Variants in LTBP2 observed in about 807,000 individuals in gnomAD.
LTBP2 encodes latent transforming growth factor beta binding protein 2, also known as latent-transforming growth factor beta-binding protein 2.
A neutral mutation model predicts 210.6 loss-of-function variants in LTBP2; 103 were observed. That is an observed-to-expected ratio of 0.49 (90% CI 0.42 to 0.58). The LOEUF (loss-of-function observed/expected upper bound fraction) is 0.58. Among genes scored for constraint, LTBP2 ranks in the 20% least tolerant of loss-of-function variants. The pLI, the probability that LTBP2 is intolerant of heterozygous loss-of-function variation, is 0.00. For synonymous variants in LTBP2, 1,007 were observed against 1,015.0 expected (o/e 0.99, Z 0.15); for missense variants, 2,313 against 2,494.5 (o/e 0.93, Z 1.55).
At chr14:74,503,166 C>T in intron 33 of LTBP2, 53 bp downstream of exon 33, 2 of 1,605,186 alleles carry the variant, frequency 1.2e-6, no homozygotes, top group African/African-American at 1.3e-5. Flanking sequence ...AGGGCATCCC[C>T]CTCCCTGGGG....
chr14:74,528,495 T>C lies in LTBP2; in HGVS notation c.2356A>G (p.Ile786Val), dbSNP rs756320630. 2.5e-6 allele frequency: 4 copies of C among 1,611,858 alleles called. No individual in the cohort carries two copies. Among genetic ancestry groups the C allele is most frequent in the Non-Finnish European group, 3.4e-6 (4 of 1,180,040 alleles). The change falls in exon 12 of 36, where the codon ATC becomes GTC. Residue 786 changes from isoleucine to valine, a missense_variant. Coordinates refer to ENST00000261978, the MANE Select transcript of LTBP2 (RefSeq NM_000428.3). ...VTDTWLEAGT[I>V]PDKGDSQAGQ... ...CCAGCTCAGATACCCTTGTCAGGGA[T>C]GGTCCCGGCCTCAAGCCAGGTGTCC... is the stretch of plus-strand genomic sequence containing the variant.
At chr14:74,523,863 T>C (rs2087238414) in intron 15 of LTBP2, among the ~76,000 whole-genome samples, 1 of 152,118 alleles carries the variant, frequency 6.6e-6, no homozygotes, top group Non-Finnish European at 1.5e-5. Context: ...GGGAATGGTC[T>C]GTACGTGGGT....
At chr14:74,601,919 G>C (rs984059848) in intron 2 of LTBP2, among the ~76,000 whole-genome samples, 11 of 152,160 alleles carry the variant, frequency 7.2e-5, no homozygotes, top group Admixed American at 4.6e-4. Flanking sequence ...TGAGACTGAG[G>C]CTTTGCAGCC....
chr14:74,571,025 T>C (rs1459237010), intron 3 of LTBP2, among the ~76,000 whole-genome samples: 2 of 151,204 alleles, frequency 1.3e-5, no homozygotes, highest in Admixed American at 6.6e-5. Context: ...TAAACCACTT[T>C]TCTTTATATT....
At chr14:74,610,025 A>G (rs1298537695) in intron 1 of LTBP2, among the ~76,000 whole-genome samples, 1 of 152,220 alleles carries the variant, frequency 6.6e-6, no homozygotes, top group East Asian at 1.9e-4. Flanking sequence ...GCCTGCTTGA[A>G]GCTGGGCCTT....
At chr14:74,527,661 C>T (rs1375544792) in intron 12 of LTBP2, among the ~76,000 whole-genome samples, 1 of 152,170 alleles carries the variant, frequency 6.6e-6, no homozygotes, top group Non-Finnish European at 1.5e-5. Flanking sequence ...GACAGGAGTC[C>T]CACCTGCTCC....
chr14:74,535,790 C>T (rs2087413104), intron 9 of LTBP2, 136 bp downstream of exon 9: 2 of 787,196 alleles, frequency 2.5e-6, no homozygotes, highest in Non-Finnish European at 4.3e-6. Flanking sequence ...AATCAGCAGC[C>T]CCCCACCACT....
Position 74,506,043 on chromosome 14 carries a change from C to T in LTBP2, c.4177+5G>A. ...ACCATGGATAATGTGTCTCCCAGGCCTCACCTCCAGCCCCCCGTGGGCGGC... is the reference window on the plus strand; with the variant it reads ...ACCATGGATAATGTGTCTCCCAGGCTTCACCTCCAGCCCCCCGTGGGCGGC... On this transcript the variant is annotated splice_donor_5th_base_variant and intron_variant, in intron 28 of 35. Transcript: ENST00000261978. 1 of 1,614,098 alleles carries T rather than the reference C, an allele frequency of 6.2e-7. No homozygotes were observed. The highest frequency in any genetic ancestry group is 8.5e-7 in the Non-Finnish European group (1 of 1,180,024).
At chr14:74,562,513 G>A (rs146728324) in intron 3 of LTBP2, among the ~76,000 whole-genome samples, 165 of 152,212 alleles carry the variant, frequency 1.1e-3, no homozygotes, top group South Asian at 1.7e-3. Context: ...TGTGCAACTC[G>A]TATCAGAGAG....
intron 3 of LTBP2, among the ~76,000 whole-genome samples, chr14:74,556,905 A>C (rs1334282767): frequency 6.6e-6 from 1 of 152,194 alleles, no homozygotes; most frequent in African/African-American, 2.4e-5. Context: ...GATTTGTTGT[A>C]CTATTCTATT....
At chr14:74,598,915 G>A (rs912776697) in intron 2 of LTBP2, among the ~76,000 whole-genome samples, 2 of 152,214 alleles carry the variant, frequency 1.3e-5, no homozygotes, top group Non-Finnish European at 2.9e-5. Flanking sequence ...CTGGATTCAT[G>A]TCTGGGCTCT....
chr14:74,541,253 T>C (rs1487834591), intron 8 of LTBP2, among the ~76,000 whole-genome samples: 1 of 152,132 alleles, frequency 6.6e-6, no homozygotes, highest in African/African-American at 2.4e-5. Flanking sequence ...ACAAGGACCT[T>C]GTCTTATTCT....
intron 3 of LTBP2, among the ~76,000 whole-genome samples, chr14:74,569,306 G>A (rs1322905635): frequency 2.0e-5 from 3 of 152,166 alleles, no homozygotes; most frequent in Admixed American, 6.5e-5. Flanking sequence ...TGAATGAATG[G>A]AAGAATGATT....
Position 74,501,043 on chromosome 14 carries a change from AAGG to A in LTBP2, c.5321-17_5321-15del. ...ACTCATTCACATCTAAGAGGAAACA[AAGG>A]AGAGTGCTGTAGGGAGCCCAGGTGC... is the stretch of plus-strand genomic sequence containing the variant. On this transcript the variant is annotated splice_polypyrimidine_tract_variant and intron_variant, in intron 35 of 35. Coordinates refer to ENST00000261978, the MANE Select transcript of LTBP2 (RefSeq NM_000428.3). The A allele has an allele frequency of 6.2e-7, 1 of 1,611,236 alleles. No homozygotes were observed. Among genetic ancestry groups the A allele is most frequent in the Non-Finnish European group, 8.5e-7 (1 of 1,178,668 alleles).
chr14:74,522,718 C>G (rs1282706822), intron 16 of LTBP2, 72 bp downstream of exon 16: 1 of 1,524,234 alleles, frequency 6.6e-7, no homozygotes, highest in East Asian at 2.4e-5. Flanking sequence ...CCTGGACTCT[C>G]AACTCGGCCT....
chr14:74,603,794 C>G, intron 1 of LTBP2, 89 bp from the exon 2 acceptor site: 2 of 1,066,284 alleles, frequency 1.9e-6, no homozygotes, highest in Non-Finnish European at 2.9e-6. Context: ...CTTCTAGAGG[C>G]AGGGCCTGGA....
chr14:74,563,040 G>C (rs189582247), intron 3 of LTBP2, among the ~76,000 whole-genome samples: 4 of 152,228 alleles, frequency 2.6e-5, no homozygotes, highest in Admixed American at 1.3e-4. Context: ...CCATGCTCTT[G>C]GCTGATGGGA....
chr14:74,503,947 C>T lies in LTBP2; in HGVS notation c.4561G>A (p.Ala1521Thr). 1 of 1,614,146 alleles carries T rather than the reference C, an allele frequency of 6.2e-7. No homozygotes were observed. The highest frequency in any genetic ancestry group is 1.7e-5 in the Admixed American group (1 of 60,026). The change falls in exon 31 of 36, where the codon GCT becomes ACT. Residue 1521 changes from alanine (A) to threonine (T), a missense_variant. Coordinates refer to ENST00000261978, the MANE Select transcript of LTBP2 (RefSeq NM_000428.3). ...CLCNPGFHYD[A>T]SHKKCEDHDE... The stretch of plus-strand genomic sequence containing the variant: ...TTACCCTCACACTTCTTGTGGGAAG[C>T]ATCGTAGTGGAAGCCGGGATTGCAC...
chr14:74,505,443 C>T (rs989314592), intron 28 of LTBP2, among the ~76,000 whole-genome samples: 1 of 152,148 alleles, frequency 6.6e-6, no homozygotes, highest in Non-Finnish European at 1.5e-5. Flanking sequence ...GACCCCAGTT[C>T]CTCCTCCCCT....
Sources: gnomAD v4.1 joint callset for allele counts (sites outside exome capture counted in the v4.1 genomes callset) on GRCh38, gnomAD v4.1.1 for gene constraint, MANE v1.5 for transcripts, NCBI Gene and HGNC (gene_info 2026-07-23, HGNC 2026-07-21) for gene names.